The following OSBP2 variants were observed in gnomAD, a reference collection of about 807,000 sequenced individuals.
OSBP2 encodes oxysterol-binding protein 2.
Under a neutral mutation model 96.0 loss-of-function variants are expected in OSBP2, and 66 were observed. That is an observed-to-expected ratio of 0.69 (90% confidence interval 0.56 to 0.84). The LOEUF (loss-of-function observed/expected upper bound fraction) is 0.84. OSBP2 is among the 40% of genes least tolerant of loss of function. The pLI is 0.00. For missense variants in OSBP2, 1,038 were observed against 1,222.7 expected (o/e 0.85, Z 2.25); for synonymous variants, 525 against 520.9 (o/e 1.01, Z -0.11).
chr22:30,773,982 T>C (rs2090393356), intron 2 of OSBP2, among the ~76,000 whole-genome samples: 1 of 152,158 alleles, frequency 6.6e-6, no homozygotes, highest in Non-Finnish European at 1.5e-5. Flanking sequence ...GATGCTTGGC[T>C]GTTGTAATAA....
intron 2 of OSBP2, chr22:30,764,479 C>A: frequency 1.2e-6 from 1 of 863,704 alleles, no homozygotes; most frequent in South Asian, 5.3e-5. Context: ...TGGCGTTGTT[C>A]TGGCTCTGTA....
intron 1 of OSBP2, among the ~76,000 whole-genome samples, chr22:30,732,837 G>A (rs763533872): frequency 2.6e-5 from 4 of 152,168 alleles, no homozygotes; most frequent in Non-Finnish European, 4.4e-5. Flanking sequence ...CCATTGTTTT[G>A]TCAGGCTCGC....
chr22:30,880,627 C>T (rs1441674264), intron 3 of OSBP2, among the ~76,000 whole-genome samples: 1 of 152,186 alleles, frequency 6.6e-6, no homozygotes, highest in African/African-American at 2.4e-5. Flanking sequence ...TCTGCATGCT[C>T]CCAAGAGCCT....
chr22:30,893,867 C>A lies in OSBP2; in HGVS notation c.2241C>A (p.Ser747=). The change falls in exon 12 of 14, where the codon TCC becomes TCA. Residue 747 remains serine (S), a synonymous_variant. Transcript: ENST00000332585. ...AGGGCAAGGCCCATTACGTGCTGTC[C>A]GGCTCGTGGGATGAACAAATGGAGT... ...DSQGKAHYVL[S]GSWDEQMECS... 1 of 1,582,932 alleles carries A rather than the reference C, an allele frequency of 6.3e-7. No homozygotes were observed. The highest frequency in any genetic ancestry group is 1.1e-5 in the South Asian group (1 of 87,434).
At chr22:30,735,410 CTTT>C (rs774749546) in intron 1 of OSBP2, among the ~76,000 whole-genome samples, 4 of 100,610 alleles carry the variant, frequency 4.0e-5, no homozygotes, top group African/African-American at 1.2e-4. Flanking sequence ...TCTTCTCTCT[CTTT>C]TTTTTTTTTT....
chr22:30,840,777 C>T (rs954339673), intron 2 of OSBP2, among the ~76,000 whole-genome samples: 4 of 151,786 alleles, frequency 2.6e-5, no homozygotes, highest in African/African-American at 9.7e-5. Context: ...AAAGCCCTGG[C>T]ACATACAAAG....
At chr22:30,733,716 A>C (rs1487085569) in intron 1 of OSBP2, among the ~76,000 whole-genome samples, 1 of 152,096 alleles carries the variant, frequency 6.6e-6, no homozygotes, top group East Asian at 1.9e-4. Flanking sequence ...TCCATGGCCT[A>C]AAAAGCAATG....
intron 1 of OSBP2, among the ~76,000 whole-genome samples, chr22:30,731,846 C>T (rs147876973): frequency 2.6e-4 from 39 of 152,264 alleles, no homozygotes; most frequent in African/African-American, 9.1e-4. Flanking sequence ...TGTGGCCGGT[C>T]CTGGTGTGCT....
At chr22:30,708,233 G>A (rs958380495) in intron 1 of OSBP2, among the ~76,000 whole-genome samples, 1 of 152,050 alleles carries the variant, frequency 6.6e-6, no homozygotes, top group Non-Finnish European at 1.5e-5. Context: ...ACTATGTGAG[G>A]ATATTGAGAG....
At chr22:30,764,249 C>T (rs1280119038) in intron 2 of OSBP2, 27 of 985,316 alleles carry the variant, frequency 2.7e-5, no homozygotes, top group Non-Finnish European at 3.3e-5. Flanking sequence ...CAGGCTCTGC[C>T]CTTAGAGCAA....
At chr22:30,825,505 TCAAA>T (rs1337989678) in intron 2 of OSBP2, among the ~76,000 whole-genome samples, 2 of 152,210 alleles carry the variant, frequency 1.3e-5, no homozygotes, top group South Asian at 2.1e-4. Flanking sequence ...TCTGTGTGCT[TCAAA>T]CAGAGACTGG....
rs1602133757 is a variant in OSBP2 at position 30,695,606 on chromosome 22, G to A, written c.644+53G>A. The A allele has an allele frequency of 1.9e-6, 3 of 1,555,914 alleles. No individual in the cohort carries two copies. The East Asian group carries it at 6.7e-5, about 35-fold the overall frequency. On this transcript the variant is annotated intron_variant, in intron 1 of 13. Transcript: ENST00000332585. The stretch of plus-strand genomic sequence containing the variant: ...GGGTTGGAGGGTGGTGATGCTGCAG[G>A]GATGGTGATGGAGGGCCTCCATGGT...
At chr22:30,701,413 G>A (rs1193076650) in intron 1 of OSBP2, among the ~76,000 whole-genome samples, 5 of 140,246 alleles carry the variant, frequency 3.6e-5, no homozygotes, top group Middle Eastern at 3.8e-3. Context: ...ACATGATCTC[G>A]ACTCACTGCA....
upstream of OSBP2, chr22:30,694,784 G>C: frequency 1.7e-6 from 1 of 598,104 alleles, no homozygotes; most frequent in Non-Finnish European, 2.1e-6. Context: ...GAGCGCACGG[G>C]ACCGCGGAGG....
intron 2 of OSBP2, among the ~76,000 whole-genome samples, chr22:30,864,113 G>GGTGCCCACCACC (rs2039281544): frequency 6.6e-6 from 1 of 152,022 alleles, no homozygotes; most frequent in African/African-American, 2.4e-5. Flanking sequence ...TGGGATTACA[G>GGTGCCCACCACC]GTGCCCACCA....
At chr22:30,892,350 AG>A (rs1183276338) in intron 8 of OSBP2, among the ~76,000 whole-genome samples, 3 of 152,116 alleles carry the variant, frequency 2.0e-5, no homozygotes, top group African/African-American at 7.2e-5. Context: ...CCTGGGGCAT[AG>A]GAAGCAAGTG....
chr22:30,747,711 G>A (rs950658121), intron 2 of OSBP2, among the ~76,000 whole-genome samples: 2 of 151,880 alleles, frequency 1.3e-5, no homozygotes, highest in Non-Finnish European at 2.9e-5. Context: ...TCTGCTTCAG[G>A]GCCTTTGTAC....
At chr22:30,894,844 T>C (rs976071027) in intron 12 of OSBP2, among the ~76,000 whole-genome samples, 13 of 152,172 alleles carry the variant, frequency 8.5e-5, no homozygotes, top group African/African-American at 3.1e-4. Context: ...AGTTGAAAGA[T>C]GCACTGCCAG....
At chr22:30,708,478 ATTTTT>A (rs56361178) in intron 1 of OSBP2, among the ~76,000 whole-genome samples, 243 of 63,442 alleles carry the variant, frequency 3.8e-3, no homozygotes, top group East Asian at 0.034. Flanking sequence ...AAGGATAAGG[ATTTTT>A]TTTTTTTTTT....
Sources: gnomAD v4.1 joint callset for allele counts (sites outside exome capture counted in the v4.1 genomes callset) on GRCh38, gnomAD v4.1.1 for gene constraint, MANE v1.5 for transcripts, NCBI Gene and HGNC (gene_info 2026-07-23, HGNC 2026-07-21) for gene names.